The following NRG1 variants were observed in gnomAD, a reference collection of about 807,000 sequenced individuals.
NRG1 encodes the protein neuregulin 1.
In NRG1, 18 loss-of-function variants were observed where a neutral mutation model predicts 63.8. The ratio of observed to expected loss-of-function variants is 0.28; its 90% confidence interval spans 0.19 to 0.42. The LOEUF (loss-of-function observed/expected upper bound fraction) is 0.42, where lower values mean the gene tolerates loss of function less well. Ranked by LOEUF, NRG1 falls within the 10% of genes least tolerant of loss-of-function variation. NRG1 has a pLI of 1.00. For synonymous variants in NRG1, 302 were observed against 301.3 expected, an observed-to-expected ratio of 1.00 and a Z score of -0.02; for missense variants, 762 against 814.7, an observed-to-expected ratio of 0.94 and a Z score of 0.79.
intron 1 of NRG1, among the ~76,000 whole-genome samples, chr8:32,498,288 G>C (rs11506112): frequency 0.28 from 42,029 of 151,974 alleles, 6,198 homozygotes; most frequent in South Asian, 0.35. Flanking sequence ...ATGTATGAGA[G>C]AAACTAATGG....
chr8:32,723,306 G>T (rs1322472755), intron 5 of NRG1, among the ~76,000 whole-genome samples: 2 of 152,102 alleles, frequency 1.3e-5, no homozygotes, highest in African/African-American at 2.4e-5. Context: ...TTCTTCTAGG[G>T]AGAGTTGGTC....
chr8:32,233,557 ATATATATTTTTTTT>A (rs1847203626), intron 1 of NRG1, among the ~76,000 whole-genome samples: 1 of 73,772 alleles, frequency 1.4e-5, no homozygotes, highest in African/African-American at 7.8e-5. Flanking sequence ...ATATATATAT[ATATATATTTTTTTT>A]TTTTTTTCTT....
intron 1 of NRG1, among the ~76,000 whole-genome samples, chr8:32,275,991 C>T (rs1368319196): frequency 2.0e-5 from 3 of 152,174 alleles, no homozygotes; most frequent in African/African-American, 7.2e-5. Context: ...ATGATCAAAT[C>T]AGGGTAGTTA....
At chr8:31,642,706 C>T (rs1081063) in intron 1 of NRG1, among the ~76,000 whole-genome samples, 31,714 of 152,002 alleles carry the variant, frequency 0.21, 4,326 homozygotes, top group East Asian at 0.57. Flanking sequence ...TGCATGTAAT[C>T]GAGTATGTTA....
chr8:32,600,720 A>T (rs571745028), intron 2 of NRG1, among the ~76,000 whole-genome samples: 1 of 152,178 alleles, frequency 6.6e-6, no homozygotes, highest in Non-Finnish European at 1.5e-5. Context: ...TGTAATTACT[A>T]TAATAATAGC....
At chr8:31,918,810 C>T (rs954865437) in intron 1 of NRG1, among the ~76,000 whole-genome samples, 498 of 147,388 alleles carry the variant, frequency 3.4e-3, no homozygotes, top group Non-Finnish European at 6.2e-3. Flanking sequence ...TGGTAGAATT[C>T]GGCTGTGAAT....
intron 1 of NRG1, among the ~76,000 whole-genome samples, chr8:32,134,156 T>C (rs1181538354): frequency 2.0e-5 from 3 of 152,166 alleles, no homozygotes; most frequent in African/African-American, 7.2e-5. Context: ...CTCTACAGCA[T>C]GAAGACTCTA....
intron 5 of NRG1, among the ~76,000 whole-genome samples, chr8:32,635,398 A>T (rs1461989233): frequency 6.6e-6 from 1 of 152,226 alleles, no homozygotes; most frequent in Non-Finnish European, 1.5e-5. Context: ...AAAGCAGGTC[A>T]TCCTGAGGTT....
intron 5 of NRG1, among the ~76,000 whole-genome samples, chr8:32,624,403 CA>C (rs1184328953): frequency 1.3e-5 from 2 of 151,988 alleles, no homozygotes; most frequent in African/African-American, 4.8e-5. Flanking sequence ...AGTTCTGTAG[CA>C]AAAGAAGGGA....
At chr8:31,721,195 T>G (rs1812882245) in intron 1 of NRG1, among the ~76,000 whole-genome samples, 1 of 152,170 alleles carries the variant, frequency 6.6e-6, no homozygotes, top group Non-Finnish European at 1.5e-5. Context: ...GATTTTGGCT[T>G]TGTTTCTGCA....
intron 1 of NRG1, among the ~76,000 whole-genome samples, chr8:32,591,613 TCAGTGCAATACCGCTTG>T (rs1329491585): frequency 6.6e-6 from 1 of 152,136 alleles, no homozygotes; most frequent in Non-Finnish European, 1.5e-5. Context: ...CATGAGCATT[TCAGTGCAATACCGCTTG>T]CAGAATTTAA....
intron 1 of NRG1, among the ~76,000 whole-genome samples, chr8:32,016,857 A>G (rs1048501809): frequency 2.6e-5 from 4 of 152,198 alleles, no homozygotes. Flanking sequence ...TCCCAATCAG[A>G]GGCTGTTGTG....
chr8:32,367,366 G>A (rs1482469400), intron 1 of NRG1, among the ~76,000 whole-genome samples: 1 of 148,810 alleles, frequency 6.7e-6, no homozygotes, highest in Non-Finnish European at 1.5e-5. Context: ...ATCTCACTGT[G>A]GTTTCAATTT....
intron 1 of NRG1, among the ~76,000 whole-genome samples, chr8:32,399,411 T>C (rs1367661409): frequency 6.6e-6 from 1 of 152,208 alleles, no homozygotes; most frequent in Non-Finnish European, 1.5e-5. Context: ...GTTTTGGGGT[T>C]AGGGGGATGT....
chr8:32,579,812 T>A (rs1443390859), intron 1 of NRG1, among the ~76,000 whole-genome samples: 3 of 152,202 alleles, frequency 2.0e-5, no homozygotes, highest in African/African-American at 7.2e-5. Context: ...GAGTTTTAAA[T>A]GTTAGAATTC....
chr8:32,572,458 C>T (rs1160637361), intron 1 of NRG1, among the ~76,000 whole-genome samples: 1 of 152,094 alleles, frequency 6.6e-6, no homozygotes, highest in Non-Finnish European at 1.5e-5. Flanking sequence ...AACTTCATTC[C>T]TCTAAGAATA....
At chr8:31,879,779 A>G (rs1385886929) in intron 1 of NRG1, among the ~76,000 whole-genome samples, 3 of 152,088 alleles carry the variant, frequency 2.0e-5, no homozygotes, top group African/African-American at 7.2e-5. Flanking sequence ...CTTATCATTT[A>G]CTTCCCTCTT....
At chr8:31,848,405 C>G (rs1003048938) in intron 1 of NRG1, among the ~76,000 whole-genome samples, 2 of 152,186 alleles carry the variant, frequency 1.3e-5, no homozygotes, top group African/African-American at 4.8e-5. Context: ...ATTATGATAG[C>G]TTACCCTCAT....
At chr8:32,200,518 A>C (rs115143087) in intron 1 of NRG1, among the ~76,000 whole-genome samples, 133 of 151,818 alleles carry the variant, frequency 8.8e-4, no homozygotes, top group African/African-American at 3.2e-3. Context: ...TCTTCCTTTC[A>C]TAGTGAAGGT....
Sources: gnomAD v4.1 joint callset for allele counts (sites outside exome capture counted in the v4.1 genomes callset) on GRCh38, gnomAD v4.1.1 for gene constraint, MANE v1.5 for transcripts, NCBI Gene and HGNC (gene_info 2026-07-23, HGNC 2026-07-21) for gene names.